MRPL37: variants seen among roughly 807,000 people sequenced by gnomAD.
MRPL37 encodes mitochondrial ribosomal protein L37.
MRPL37 carries 34 observed loss-of-function variants against 44.1 expected under a neutral mutation model. The ratio of observed to expected loss-of-function variants is 0.77; its 90% CI spans 0.59 to 1.03. The LOEUF (loss-of-function observed/expected upper bound fraction) is 1.03, where lower values mean the gene tolerates loss of function less well. Ranked by LOEUF, MRPL37 falls within the 50% of genes least tolerant of loss-of-function variation. MRPL37 has a pLI of 0.00. For missense variants in MRPL37, 532 were observed against 543.7 expected, an observed-to-expected ratio of 0.98 and a Z score of 0.21; for synonymous variants, 212 against 219.5, an observed-to-expected ratio of 0.97 and a Z score of 0.30.
At chr1:54,201,722 G>A (rs978402469) in intron 1 of MRPL37, among the ~76,000 whole-genome samples, 2 of 152,180 alleles carry the variant, frequency 1.3e-5, no homozygotes, top group African/African-American at 2.4e-5. Flanking sequence ...CACTTACAAA[G>A]TATGTGAGTT....
At chr1:54,208,792 C>T (rs1360852776) in intron 3 of MRPL37, among the ~76,000 whole-genome samples, 3 of 152,076 alleles carry the variant, frequency 2.0e-5, no homozygotes, top group Admixed American at 2.0e-4. Context: ...CAGTTTTTCC[C>T]TCTGGAGAAC....
downstream of MRPL37, among the ~76,000 whole-genome samples, chr1:54,220,364 C>T (rs1644224195): frequency 3.3e-5 from 5 of 152,308 alleles, 1 homozygote; most frequent in South Asian, 1.0e-3. Context: ...GCAGCCTGTC[C>T]TCCCAACCCA....
intron 4 of MRPL37, 69 bp from the exon 5 acceptor site, chr1:54,212,432 A>G: frequency 1.3e-6 from 2 of 1,567,514 alleles, no homozygotes; most frequent in Non-Finnish European, 1.7e-6. Flanking sequence ...AGGCGAGGTG[A>G]CTTTCCTGAG....
At chr1:54,212,390 T>C in intron 4 of MRPL37, 111 bp from the exon 5 acceptor site, 1 of 1,323,046 alleles carries the variant, frequency 7.6e-7, no homozygotes, top group Non-Finnish European at 1.1e-6. Flanking sequence ...CCACCTTTGT[T>C]GAGTCTCTCT....
At chr1:54,215,262 G>A (rs924586064) in intron 5 of MRPL37, among the ~76,000 whole-genome samples, 3 of 152,204 alleles carry the variant, frequency 2.0e-5, no homozygotes, top group African/African-American at 7.2e-5. Flanking sequence ...ATCCCCATGG[G>A]TGACCTGGAG....
rs148767025 is a variant in MRPL37, at chr1:54,204,369, C to G, written c.347-649C>G. Among the ~76,000 whole-genome samples, 461 of 151,644 alleles carry G rather than the reference C, an allele frequency of 3.0e-3. 1 individual carries two copies. The highest frequency in any genetic ancestry group is 6.8e-3 in the Middle Eastern group (2 of 294). On this transcript the variant is annotated intron_variant, in intron 1 of 6. Coordinates refer to ENST00000360840, the MANE Select transcript of MRPL37 (RefSeq NM_016491.4). Reference sequence around the variant, plus strand: ...TCAGTCATCATGTCGCCCAGTCAGCCTGGGCGACAGAGCGAGACTTTGTCT... The same window carrying G: ...TCAGTCATCATGTCGCCCAGTCAGCGTGGGCGACAGAGCGAGACTTTGTCT...
chr1:54,204,011 A>T (rs948352935), intron 1 of MRPL37, among the ~76,000 whole-genome samples: 4 of 152,152 alleles, frequency 2.6e-5, no homozygotes, highest in African/African-American at 9.7e-5. Flanking sequence ...AATATTTACT[A>T]TTTGGCCCTT....
At chr1:54,225,462 G>A (rs985806207), downstream of MRPL37, 14 of 1,204,962 alleles carry the variant, frequency 1.2e-5, no homozygotes, top group East Asian at 1.3e-4. Context: ...TTAATAAAAC[G>A]TTATCAACAT....
chr1:54,203,801 C>G (rs1484475383), intron 1 of MRPL37, among the ~76,000 whole-genome samples: 2 of 152,114 alleles, frequency 1.3e-5, no homozygotes, highest in African/African-American at 4.8e-5. Context: ...TAAAGGGAAG[C>G]CCCAAACCTG....
downstream of MRPL37, chr1:54,220,781 G>A (rs1262325052): frequency 4.2e-6 from 2 of 471,400 alleles, no homozygotes; most frequent in Non-Finnish European, 4.4e-6. Flanking sequence ...ACGCTGCAGG[G>A]AGAGTGCTGC....
At chr1:54,209,512 T>C (rs1181568062) in intron 3 of MRPL37, among the ~76,000 whole-genome samples, 1 of 150,610 alleles carries the variant, frequency 6.6e-6, no homozygotes, top group Non-Finnish European at 1.5e-5. Flanking sequence ...CAGGCTGGAG[T>C]GCAGTGCCGT....
chr1:54,222,214 G>A (rs2100521546), downstream of MRPL37, among the ~76,000 whole-genome samples: 1 of 152,320 alleles, frequency 6.6e-6, no homozygotes, highest in South Asian at 2.1e-4. Context: ...CAGCCTGATG[G>A]GGGAAGCATA....
At chr1:54,225,340 AG>A, downstream of MRPL37, 1 of 1,234,228 alleles carries the variant, frequency 8.1e-7, no homozygotes, top group Non-Finnish European at 1.0e-6. Flanking sequence ...GTTATGCACC[AG>A]GAACAAAAAC....
downstream of MRPL37, chr1:54,225,460 A>G (rs1384564361): frequency 8.3e-7 from 1 of 1,208,524 alleles, no homozygotes; most frequent in Non-Finnish European, 1.0e-6. Flanking sequence ...CTTTAATAAA[A>G]CGTTATCAAC....
rs1215636201 is a variant in MRPL37, at chr1:54,216,340, T to C, written c.1190T>C (p.Val397Ala). 5 of 1,613,586 alleles carry C rather than the reference T, an allele frequency of 3.1e-6. No individual in the cohort carries two copies. The highest frequency in any genetic ancestry group is 2.5e-6 in the Non-Finnish European group (3 of 1,179,980). ...WCLPVIKKRV[V>A]VEPVGPVGFK... is the part of the protein sequence containing the mutation. ...CTCCCAGTGATCAAAAAGAGAGTGG[T>C]TGTGGTAAGTTGAGCCATCTCCTGC... Residue 397 changes from valine (V) to alanine (A), a missense_variant, in exon 6 of 7, where the codon GTT (valine) becomes GCT (alanine). Physicochemically the swap from Val to Ala is moderately conservative, Grantham distance 64. Coordinates refer to ENST00000360840, the MANE Select transcript of MRPL37 (RefSeq NM_016491.4).
intron 5 of MRPL37, among the ~76,000 whole-genome samples, chr1:54,214,189 G>GA (rs966183940): frequency 6.6e-6 from 1 of 151,210 alleles, no homozygotes; most frequent in Admixed American, 6.6e-5. Context: ...TGCCTCAAAG[G>GA]AAAAAAAAGA....
chr1:54,220,918 G>A, downstream of MRPL37: 1 of 405,836 alleles, frequency 2.5e-6, no homozygotes, highest in Non-Finnish European at 5.2e-6. Context: ...ATTCCTGGTT[G>A]TTCCATTCAA....
At chr1:54,208,647 A>C (rs948623759) in intron 3 of MRPL37, among the ~76,000 whole-genome samples, 1 of 150,428 alleles carries the variant, frequency 6.6e-6, no homozygotes, top group Admixed American at 6.6e-5. Context: ...TACTCTAGTC[A>C]CCTGGATTTC....
chr1:54,207,864 C>A (rs34021276), intron 3 of MRPL37, among the ~76,000 whole-genome samples: 2,079 of 152,282 alleles, frequency 0.014, 48 homozygotes, highest in African/African-American at 0.048. Flanking sequence ...GTGCTGTTGA[C>A]CAAACCAATT....
Sources: gnomAD v4.1 joint callset for allele counts (sites outside exome capture counted in the v4.1 genomes callset) on GRCh38, gnomAD v4.1.1 for gene constraint, MANE v1.5 for transcripts, NCBI Gene and HGNC (gene_info 2026-07-23, HGNC 2026-07-21) for gene names.